Variants in PCDH11Y observed in about 807,000 individuals in gnomAD.
PCDH11Y encodes protocadherin 11 Y-linked.
For missense variants in PCDH11Y, 12 were observed against 224.8 expected (o/e 0.05, Z 6.05); for synonymous variants, 9 against 83.6 (o/e 0.11, Z 4.87).
intron 3 of PCDH11Y, among the ~76,000 whole-genome samples, chrY:5,527,994 T>G: frequency 3.0e-5 from 1 of 33,505 alleles, no homozygotes; most frequent in Non-Finnish European, 7.4e-5. Flanking sequence ...TAGAATGCAA[T>G]TCTTATCCAA....
At chrY:5,342,649 T>A (rs2053146836) in intron 2 of PCDH11Y, among the ~76,000 whole-genome samples, 2 of 32,939 alleles carry the variant, frequency 6.1e-5, no homozygotes, top group South Asian at 1.4e-3. Context: ...GGCAGCCACC[T>A]TTTTTCTTGA....
Position 5,294,812 on chromosome Y carries a change from T to A in PCDH11Y, c.3129+194105T>A. On this transcript the variant is annotated intron_variant, in intron 2 of 4. Transcript: ENST00000400457. ...CATTACAGTGTTATACTCGTCTGTG[T>A]TTTTCTCTGTACTTACTATTAATAT... 9.1e-5 allele frequency among the ~76,000 whole-genome samples: 3 copies of A among 33,130 alleles called. No individual in the cohort carries two copies. In the South Asian group the frequency reaches 2.0e-3, roughly 22 times the overall value. The allele number at this position is 33,130 out of a possible 37,273, so 88.9% of individuals were successfully genotyped here.
At chrY:5,551,197 A>G (rs1602942094) in intron 3 of PCDH11Y, among the ~76,000 whole-genome samples, 1 of 33,143 alleles carries the variant, frequency 3.0e-5, no homozygotes, top group East Asian at 8.0e-4. Context: ...AGCGAACACA[A>G]TATTTTAGAG....
At chrY:5,102,986 A>G (rs2052782033), downstream of PCDH11Y, among the ~76,000 whole-genome samples, 1 of 33,210 alleles carries the variant, frequency 3.0e-5, no homozygotes, top group Non-Finnish European at 7.5e-5. Context: ...GCAGACTAAT[A>G]TGATACTAAA....
chrY:5,257,984 T>C (rs2053013436), intron 2 of PCDH11Y, among the ~76,000 whole-genome samples: 1 of 30,434 alleles, frequency 3.3e-5, no homozygotes, highest in Admixed American at 3.1e-4. Flanking sequence ...TACTTGTTAG[T>C]GGTCTTTTCA....
Position 5,110,475 on chromosome Y carries a change from T to C in PCDH11Y, c.3129+9768T>C. 1.2e-4 allele frequency among the ~76,000 whole-genome samples: 4 copies of C among 32,885 alleles called. No individual in the cohort carries two copies. The South Asian group carries it at 2.6e-3, about 22-fold the overall frequency. 88.2% of individuals were successfully genotyped at this position (32,885 alleles called of 37,273 possible). On this transcript the variant is annotated intron_variant, in intron 2 of 4. Transcript: ENST00000400457. ...TTTTTAAAATAAATAAATAAAAACA[T>C]TTTCATTCTTTTTATCTTAAAACTT...
At chrY:5,729,657 C>T in intron 4 of PCDH11Y, among the ~76,000 whole-genome samples, 1 of 32,708 alleles carries the variant, frequency 3.1e-5, no homozygotes, top group Non-Finnish European at 7.5e-5. Flanking sequence ...GTTTTTGTTG[C>T]AATTGCTTTT....
chrY:5,490,460 CA>C (rs2053337518), intron 2 of PCDH11Y, among the ~76,000 whole-genome samples: 1 of 34,719 alleles, frequency 2.9e-5, no homozygotes, highest in Non-Finnish European at 7.3e-5. Flanking sequence ...TAGGGTGACA[CA>C]AACATTCACT....
intron 4 of PCDH11Y, among the ~76,000 whole-genome samples, chrY:5,698,699 A>G: frequency 6.0e-5 from 2 of 33,160 alleles, no homozygotes; most frequent in African/African-American, 1.2e-4. Context: ...GTTATTCTGC[A>G]TAACAGCTCC....
chrY:5,384,967 G>C, intron 2 of PCDH11Y, among the ~76,000 whole-genome samples: 1 of 30,140 alleles, frequency 3.3e-5, no homozygotes, highest in East Asian at 8.6e-4. Flanking sequence ...CACTTATCAT[G>C]AGTGACTCCA....
intron 2 of PCDH11Y, among the ~76,000 whole-genome samples, chrY:5,166,208 C>T (rs2052879148): frequency 3.1e-5 from 1 of 32,029 alleles, no homozygotes; most frequent in Non-Finnish European, 7.8e-5. Flanking sequence ...TCTATCAGGC[C>T]AGCATTGCCC....
chrY:5,352,234 G>T, intron 2 of PCDH11Y, among the ~76,000 whole-genome samples: 1 of 28,512 alleles, frequency 3.5e-5, no homozygotes, highest in African/African-American at 1.4e-4. Flanking sequence ...GGATTCTCCT[G>T]CCTCAGCCTC....
chrY:5,454,484 C>T (rs2053295995), intron 2 of PCDH11Y, among the ~76,000 whole-genome samples: 1 of 33,940 alleles, frequency 2.9e-5, no homozygotes, highest in African/African-American at 1.2e-4. Flanking sequence ...GTGGGGGCTC[C>T]AACCCCGCAT....
chrY:5,561,359 G>T, intron 3 of PCDH11Y, among the ~76,000 whole-genome samples: 1 of 30,015 alleles, frequency 3.3e-5, no homozygotes, highest in African/African-American at 1.3e-4. Context: ...CTGTTGGGAA[G>T]GTATGACTGT....
intron 2 of PCDH11Y, among the ~76,000 whole-genome samples, chrY:5,345,487 T>C (rs2053150963): frequency 3.0e-5 from 1 of 33,037 alleles, no homozygotes; most frequent in African/African-American, 1.2e-4. Flanking sequence ...TTTAGGCAAT[T>C]ATTAAATTAT....
chrY:5,457,362 C>T, intron 2 of PCDH11Y, among the ~76,000 whole-genome samples: 1 of 33,614 alleles, frequency 3.0e-5, no homozygotes, highest in Admixed American at 2.7e-4. Context: ...TTCCATCTGC[C>T]TTGTTTAGTG....
At chrY:5,558,818 A>G (rs2053426180) in intron 3 of PCDH11Y, among the ~76,000 whole-genome samples, 1 of 31,841 alleles carries the variant, frequency 3.1e-5, no homozygotes, top group African/African-American at 1.2e-4. Context: ...TTAATATTGT[A>G]AGTACTTAAT....
At chrY:5,416,895 T>C (rs2053253804) in intron 2 of PCDH11Y, among the ~76,000 whole-genome samples, 1 of 32,756 alleles carries the variant, frequency 3.1e-5, no homozygotes, top group Non-Finnish European at 7.4e-5. Flanking sequence ...TGGAGCTTAG[T>C]GTATGAGACT....
chrY:5,071,177 T>C (rs2052699189), intron 1 of PCDH11Y, among the ~76,000 whole-genome samples: 1 of 26,767 alleles, frequency 3.7e-5, no homozygotes, highest in Non-Finnish European at 8.8e-5. Context: ...TGCTTTAATA[T>C]CCAGGATTCT....
Sources: allele counts gnomAD v4.1 joint callset (sites outside exome capture counted in the v4.1 genomes callset), GRCh38; gene constraint gnomAD v4.1.1; transcripts MANE v1.5; gene names NCBI Gene and HGNC (gene_info 2026-07-23, HGNC 2026-07-21).